NMT2: variants seen among roughly 807,000 people sequenced by gnomAD.
NMT2 encodes the protein N-myristoyltransferase 2.
Under a neutral mutation model 65.4 loss-of-function variants are expected in NMT2, and 35 were observed. That is an observed-to-expected ratio of 0.54 (90% CI 0.41 to 0.71). The LOEUF (loss-of-function observed/expected upper bound fraction) is 0.71, where lower values mean the gene tolerates loss of function less well. Ranked by LOEUF, NMT2 falls within the 30% of genes least tolerant of loss-of-function variation. The pLI is 0.00. For synonymous variants in NMT2, 226 were observed against 231.8 expected (o/e 0.98, Z 0.23); for missense variants, 489 against 611.3 (o/e 0.80, Z 2.11).
chr10:15,120,025 A>G lies in NMT2; in HGVS notation c.1000-512T>C, dbSNP rs533699321. On this transcript the variant is annotated intron_variant, in intron 8 of 11. Transcript: ENST00000378165. Reference sequence around the variant, plus strand: ...CCTTAGACGAAAAATATTCGGGGAAAAAAAACTGGATCGTTGCATCTGTGC... The same window carrying G: ...CCTTAGACGAAAAATATTCGGGGAAGAAAAACTGGATCGTTGCATCTGTGC... Among the ~76,000 whole-genome samples the G allele has an allele frequency of 2.0e-4, 31 of 152,354 alleles. 1 individual carries two copies. Among genetic ancestry groups the G allele is most frequent in the Admixed American group, 1.2e-3 (18 of 15,296 alleles).
chr10:15,153,866 G>C (rs1832894766), intron 1 of NMT2, among the ~76,000 whole-genome samples: 1 of 151,982 alleles, frequency 6.6e-6, no homozygotes, highest in African/African-American at 2.4e-5. Context: ...TGTTAGCCAG[G>C]ATGGTCTCGA....
chr10:15,123,984 T>C (rs1846004534), intron 8 of NMT2, among the ~76,000 whole-genome samples: 1 of 152,214 alleles, frequency 6.6e-6, no homozygotes, highest in Admixed American at 6.5e-5. Context: ...TGGTTATTTA[T>C]ATGATTCAAA....
At chr10:15,119,603 C>A (rs1301282123) in intron 8 of NMT2, 90 bp from the exon 9 acceptor site, 18 of 1,043,340 alleles carry the variant, frequency 1.7e-5, no homozygotes, top group Admixed American at 1.9e-5. Context: ...TGCAGACCAG[C>A]AGAATGAGCA....
intron 9 of NMT2, among the ~76,000 whole-genome samples, chr10:15,114,950 A>C (rs1429199519): frequency 6.6e-6 from 1 of 152,080 alleles, no homozygotes; most frequent in Non-Finnish European, 1.5e-5. Context: ...TGCAGTGAGC[A>C]GAGATTGCAC....
At position 15,135,405 on chromosome 10, in the gene NMT2, G is replaced by A; in HGVS notation, c.260C>T (p.Pro87Leu). Residue 87 changes from proline (P) to leucine (L), a missense_variant, in exon 3 of 12, where the codon CCA becomes CTA. Pro to Leu is a moderately conservative substitution (Grantham distance 98). Transcript: ENST00000378165. Reference sequence around the variant, plus strand: ...CTGGATATCCTGCAACTTCTGCATTGGAACACTGGGATTCTACGACAGCAA... The same window carrying A: ...CTGGATATCCTGCAACTTCTGCATTAGAACACTGGGATTCTACGACAGCAA... ...IQQPSKNPSVPMQKLQDIQRA... is the reference protein window; with the variant it reads ...IQQPSKNPSVLMQKLQDIQRA... 1 of 1,613,998 alleles carries A rather than the reference G, an allele frequency of 6.2e-7. No individual in the cohort carries two copies. The highest frequency in any genetic ancestry group is 1.1e-5 in the South Asian group (1 of 91,076).
intron 1 of NMT2, among the ~76,000 whole-genome samples, chr10:15,144,909 A>G (rs1358296515): frequency 6.6e-6 from 1 of 152,230 alleles, no homozygotes. Context: ...TACATAACCA[A>G]GAGAAATGAA....
chr10:15,107,238 T>C lies in NMT2; in HGVS notation c.*1957A>G. ...TTTTTTGGCTTTTTCTCCTCAACCA[T>C]TCCAGAAAATAAAAACATTCTTAGC... is the stretch of plus-strand genomic sequence containing the variant. On this transcript the variant is annotated 3_prime_UTR_variant, in exon 12 of 12. Transcript: ENST00000378165. 1.4e-6 allele frequency: 1 copy of C among 716,530 alleles called. No homozygotes were observed. The highest frequency in any genetic ancestry group is 1.7e-6 in the Non-Finnish European group (1 of 584,468). The allele number at this position is 716,530 out of a possible 1,614,324, so 44.4% of individuals were successfully genotyped here.
rs943004375 is a variant in NMT2 at position 15,130,280 on chromosome 10, C to G, written c.752G>C (p.Cys251Ser). The G allele has an allele frequency of 3.1e-6, 5 of 1,598,756 alleles. No individual in the cohort carries two copies. Among genetic ancestry groups the G allele is most frequent in the Non-Finnish European group, 3.4e-6 (4 of 1,171,598 alleles). ...VKKMVEINFL[C>S]VHKKLRSKRV... ...TTTCGATCTCAACTTCTTATGAACA[C>G]AAAGAAAGTTGATTTCTACCATCTT... The change falls in exon 7 of 12, where the codon TGT becomes TCT. Residue 251 changes from cysteine to serine, a missense_variant. By Grantham distance (112) the Cys-to-Ser change is moderately radical. Transcript: ENST00000378165.
In NMT2 at chr10:15,131,876, T is replaced by G. The variant is rs184972702; in HGVS notation, c.719+941A>C. On this transcript the variant is annotated intron_variant, in intron 6 of 11. Transcript: ENST00000378165. ...TCCTAAAAAATTTTTAAGTAATTTT[T>G]TTTTTTTGAGATGAAGTCTTGCTCT... 4.8e-3 allele frequency among the ~76,000 whole-genome samples: 737 copies of G among 152,304 alleles called. 4 individuals are homozygous for G. Among genetic ancestry groups the G allele is most frequent in the African/African-American group, 0.016 (670 of 41,566 alleles).
chr10:15,153,374 G>A (rs137860685), intron 1 of NMT2, among the ~76,000 whole-genome samples: 161 of 152,346 alleles, frequency 1.1e-3, no homozygotes, highest in African/African-American at 3.8e-3. Flanking sequence ...CATTTGTGTT[G>A]AAGGCCTGCA....
At chr10:15,113,713 T>G (rs189223744) in intron 9 of NMT2, among the ~76,000 whole-genome samples, 1 of 152,134 alleles carries the variant, frequency 6.6e-6, no homozygotes, top group Admixed American at 6.6e-5. Context: ...CTAAGTAAGG[T>G]TGGGTAGAGT....
At chr10:15,118,024 G>A (rs759389875) in intron 9 of NMT2, among the ~76,000 whole-genome samples, 7 of 152,158 alleles carry the variant, frequency 4.6e-5, no homozygotes, top group Non-Finnish European at 7.3e-5. Flanking sequence ...ATTCTAAAAT[G>A]TATATGCAAA....
rs931498672 is a variant in NMT2 at position 15,122,396 on chromosome 10, A to T, written c.1000-2883T>A. On this transcript the variant is annotated intron_variant, in intron 8 of 11. Coordinates refer to ENST00000378165, the MANE Select transcript of NMT2 (RefSeq NM_004808.3). ...CGCCTTAAAGCAGCAGTTCTCAAAT[A>T]TTTTGGTCTTGGGACCCTTTTACAC... Among the ~76,000 whole-genome samples the T allele has an allele frequency of 4.6e-5, 7 of 151,844 alleles. No individual in the cohort carries two copies. The East Asian group carries it at 1.4e-3, about 29-fold the overall frequency.
At chr10:15,153,029 T>C (rs1399007890) in intron 1 of NMT2, among the ~76,000 whole-genome samples, 2 of 152,010 alleles carry the variant, frequency 1.3e-5, no homozygotes, top group African/African-American at 4.8e-5. Context: ...CAGCCCCCCT[T>C]TTTTTTATGG....
intron 10 of NMT2, among the ~76,000 whole-genome samples, chr10:15,112,174 T>C (rs866204535): frequency 1.0e-4 from 3 of 28,874 alleles, no homozygotes; most frequent in Non-Finnish European, 1.3e-4. Flanking sequence ...GATATGGGCT[T>C]TATATATATA....
intron 8 of NMT2, among the ~76,000 whole-genome samples, chr10:15,127,530 G>C (rs375635610): frequency 0.19 from 19,893 of 107,150 alleles, 3,227 homozygotes; most frequent in African/African-American, 0.44. Flanking sequence ...CTGGGCGACA[G>C]AGTGAGACTC....
chr10:15,132,997 A>G, intron 5 of NMT2, 56 bp downstream of exon 5: 1 of 1,591,414 alleles, frequency 6.3e-7, no homozygotes. Context: ...GAACAGACGC[A>G]GGAGTCCCCA....
At chr10:15,162,861 T>C (rs897763077) in intron 1 of NMT2, among the ~76,000 whole-genome samples, 2 of 148,402 alleles carry the variant, frequency 1.3e-5, no homozygotes, top group Non-Finnish European at 3.0e-5. Context: ...TATTTATATA[T>C]CTATATATTT....
At chr10:15,146,627 G>A (rs10906838) in intron 1 of NMT2, among the ~76,000 whole-genome samples, 5,812 of 152,270 alleles carry the variant, frequency 0.038, 127 homozygotes, top group African/African-American at 0.063. Flanking sequence ...ACACGATGGC[G>A]CAGTCTCGAC....
Sources: gnomAD v4.1 joint callset for allele counts (sites outside exome capture counted in the v4.1 genomes callset) on GRCh38, gnomAD v4.1.1 for gene constraint, MANE v1.5 for transcripts, NCBI Gene and HGNC (gene_info 2026-07-23, HGNC 2026-07-21) for gene names.